The following TAF6 variants were observed in gnomAD, a reference collection of about 807,000 sequenced individuals.
TAF6 encodes TATA-box binding protein associated factor 6, also known as transcription initiation factor TFIID subunit 6.
A neutral mutation model predicts 73.5 loss-of-function variants in TAF6; 50 were observed. The ratio of observed to expected loss-of-function variants is 0.68; its 90% CI spans 0.54 to 0.86. The LOEUF is 0.86. TAF6 is among the 40% of genes least tolerant of loss of function. TAF6 has a pLI of 0.00. For synonymous variants in TAF6, 424 were observed against 376.7 expected, an observed-to-expected ratio of 1.13 and a Z score of -1.45; for missense variants, 768 against 899.5, an observed-to-expected ratio of 0.85 and a Z score of 1.87.
intron 4 of TAF6, 96 bp from the exon 5 acceptor site, chr7:100,113,501 G>C: frequency 6.5e-7 from 1 of 1,537,248 alleles, no homozygotes; most frequent in Non-Finnish European, 8.8e-7. Flanking sequence ...TGCTCCCCTT[G>C]CAACTCACCA....
At chr7:100,122,689 T>C, upstream of TAF6, 3 of 1,535,956 alleles carry the variant, frequency 2.0e-6, no homozygotes, top group East Asian at 6.8e-5. Flanking sequence ...AACTCACCCT[T>C]GAATCTCCAG....
At chr7:100,113,585 T>C in intron 4 of TAF6, 31 bp downstream of exon 4, 2 of 1,610,354 alleles carry the variant, frequency 1.2e-6, no homozygotes, top group Non-Finnish European at 1.7e-6. Flanking sequence ...CTTTCCCTCC[T>C]CCCTGCCACC....
intron 1 of TAF6, among the ~76,000 whole-genome samples, chr7:100,118,243 T>C (rs1269486055): frequency 1.3e-5 from 2 of 149,498 alleles, no homozygotes; most frequent in Non-Finnish European, 1.5e-5. Flanking sequence ...GTCCCAGCTA[T>C]CTGGGAGGCT....
chr7:100,113,833 G>A (rs202087350), intron 3 of TAF6, 35 bp downstream of exon 3: 31 of 1,577,116 alleles, frequency 2.0e-5, no homozygotes, highest in Middle Eastern at 1.7e-4. Flanking sequence ...GAAGGATGGC[G>A]TCTCACCCCC....
chr7:100,126,139 T>G, the TAF6 span, among the ~76,000 whole-genome samples: 1 of 151,744 alleles, frequency 6.6e-6, no homozygotes, highest in African/African-American at 2.4e-5. Flanking sequence ...TGAGCCAAGA[T>G]CGTGCCACTG....
At chr7:100,110,295 A>G in intron 10 of TAF6, 21 bp from the exon 11 acceptor site, 1 of 1,613,502 alleles carries the variant, frequency 6.2e-7, no homozygotes, top group South Asian at 1.1e-5. Flanking sequence ...AAGGAAATAA[A>G]CTAAGATGAA....
rs759157997 is a variant in TAF6 at position 100,109,919 on chromosome 7, GC to G, written c.1284+28del. ...CTAAACACTGCCTGTGTCTCAGTGGGCAGGTGTGGGGACAGGGGCTTCAGTC... is the reference window on the plus strand; with the variant it reads ...CTAAACACTGCCTGTGTCTCAGTGGGAGGTGTGGGGACAGGGGCTTCAGTC... On this transcript the variant is annotated intron_variant, in intron 12 of 14. Coordinates refer to ENST00000453269, the MANE Select transcript of TAF6 (RefSeq NM_139315.3). 8.7e-6 allele frequency: 14 copies of G among 1,611,104 alleles called. No individual in the cohort carries two copies. In the African/African-American group the frequency reaches 1.1e-4, roughly 12 times the overall value.
upstream of TAF6, chr7:100,119,790 G>A: frequency 1.9e-6 from 3 of 1,613,894 alleles, no homozygotes; most frequent in East Asian, 2.2e-5. Context: ...TTTTTTGGCC[G>A]TGCACGAGGC....
At chr7:100,117,979 G>A (rs2116860400) in intron 1 of TAF6, among the ~76,000 whole-genome samples, 1 of 150,830 alleles carries the variant, frequency 6.6e-6, no homozygotes, top group East Asian at 2.0e-4. Flanking sequence ...CCGGGAGGCG[G>A]AGCTTGCAGT....
At chr7:100,118,045 C>CAAAA (rs749816135) in intron 1 of TAF6, among the ~76,000 whole-genome samples, 2 of 81,132 alleles carry the variant, frequency 2.5e-5, no homozygotes, top group South Asian at 4.2e-4. Context: ...GACTCTGTCT[C>CAAAA]AAAAAAAAAA....
intron 10 of TAF6, 139 bp downstream of exon 10, chr7:100,111,000 T>G (rs1341305345): frequency 2.1e-6 from 2 of 946,112 alleles, no homozygotes; most frequent in Admixed American, 5.8e-5. Flanking sequence ...AAAAAAGGTA[T>G]TACAGACAAG....
intron 10 of TAF6, among the ~76,000 whole-genome samples, 156 bp downstream of exon 10, chr7:100,110,979 CAAAA>C (rs11367015): frequency 2.3e-5 from 3 of 129,846 alleles, no homozygotes; most frequent in Middle Eastern, 3.5e-3. Flanking sequence ...GACTCCATCT[CAAAA>C]AAAAAAAAAA....
intron 1 of TAF6, chr7:100,118,369 A>G (rs1481821865): frequency 6.6e-6 from 1 of 151,476 alleles, no homozygotes; most frequent in Non-Finnish European, 1.5e-5. Context: ...AAAAAAAAGC[A>G]AATTGGAGCC....
upstream of TAF6, among the ~76,000 whole-genome samples, chr7:100,123,411 G>A (rs1174262943): frequency 6.6e-6 from 1 of 151,970 alleles, no homozygotes. Context: ...GCTCACAACT[G>A]TAATGCTAGC....
At chr7:100,118,062 CAAAA>C (rs1324925083) in intron 1 of TAF6, among the ~76,000 whole-genome samples, 1 of 128,626 alleles carries the variant, frequency 7.8e-6, no homozygotes, top group African/African-American at 2.9e-5. Context: ...AAAAAAAAAA[CAAAA>C]AAAGCAAAGT....
chr7:100,110,174 C>A, intron 11 of TAF6, 26 bp downstream of exon 11: 1 of 1,614,094 alleles, frequency 6.2e-7, no homozygotes, highest in Non-Finnish European at 8.5e-7. Flanking sequence ...GTCCCCTCCC[C>A]CATTTCTTCC....
At chr7:100,107,816 G>T in intron 14 of TAF6, 110 bp downstream of exon 14, 1 of 1,432,430 alleles carries the variant, frequency 7.0e-7, no homozygotes. Flanking sequence ...GCCTCTTCCA[G>T]CTCTTGACTT....
intron 1 of TAF6, among the ~76,000 whole-genome samples, chr7:100,116,815 T>C (rs868302802): frequency 8.5e-5 from 13 of 152,194 alleles, no homozygotes; most frequent in African/African-American, 3.1e-4. Flanking sequence ...ATGTACTTGC[T>C]TAATAGCCTT....
upstream of TAF6, chr7:100,124,354 ATGTT>A: frequency 6.7e-6 from 4 of 601,098 alleles, no homozygotes; most frequent in South Asian, 2.1e-5. Flanking sequence ...GTGCTGGTAA[ATGTT>A]TGTTGAATGA....
Sources: allele counts gnomAD v4.1 joint callset (sites outside exome capture counted in the v4.1 genomes callset), GRCh38; gene constraint gnomAD v4.1.1; transcripts MANE v1.5; gene names NCBI Gene and HGNC (gene_info 2026-07-23, HGNC 2026-07-21).